Variants in ADAMTS14 observed in about 807,000 individuals in gnomAD.
ADAMTS14 encodes ADAM metallopeptidase with thrombospondin type 1 motif 14, also known as A disintegrin and metalloproteinase with thrombospondin motifs 14.
In ADAMTS14, 100 loss-of-function variants were observed where a neutral mutation model predicts 128.6. The ratio of observed to expected loss-of-function variants is 0.78; its 90% CI spans 0.66 to 0.92. ADAMTS14 has a LOEUF of 0.92. Ranked by LOEUF, ADAMTS14 falls within the 40% of genes least tolerant of loss-of-function variation. The pLI is 0.00. For missense variants in ADAMTS14, 1,562 were observed against 1,658.6 expected (o/e 0.94, Z 1.01); for synonymous variants, 665 against 653.8 (o/e 1.02, Z -0.26).
At chr10:70,713,674 A>C (rs1840930440) in intron 4 of ADAMTS14, among the ~76,000 whole-genome samples, 1 of 152,146 alleles carries the variant, frequency 6.6e-6, no homozygotes, top group Non-Finnish European at 1.5e-5. Flanking sequence ...ACATGAGGCT[A>C]TCCCTGTATT....
intron 8 of ADAMTS14, 135 bp downstream of exon 8, chr10:70,734,163 C>A: frequency 8.5e-7 from 1 of 1,180,190 alleles, no homozygotes; most frequent in Non-Finnish European, 1.2e-6. Context: ...GCCTCCCCGC[C>A]AAACCTGGCC....
rs1841340354 is a variant in ADAMTS14 at position 70,723,640 on chromosome 10, T to A, written c.871-5654T>A. ...GGGCTGTGCCAGCCATTAGTGGCAA[T>A]GAGTGTTCTGCTTCTGTTTGAGCGC... On this transcript the variant is annotated intron_variant, in intron 4 of 21. Transcript: ENST00000373207. Among the ~76,000 whole-genome samples, 4 of 152,242 alleles carry A rather than the reference T, an allele frequency of 2.6e-5. No individual in the cohort carries two copies. The South Asian group carries it at 8.3e-4, about 32-fold the overall frequency.
chr10:70,675,035 C>A, intron 2 of ADAMTS14, 40 bp downstream of exon 2: 1 of 1,593,190 alleles, frequency 6.3e-7, no homozygotes, highest in South Asian at 1.1e-5. Flanking sequence ...TCCTCCCCCT[C>A]CCATGCCCTG....
rs570492592 is a variant in ADAMTS14 at position 70,751,715 on chromosome 10, G to A, written c.2596+69G>A. 384 of 1,553,038 alleles carry A rather than the reference G, an allele frequency of 2.5e-4. 3 individuals carry two copies. The African/African-American group carries it at 4.5e-3, about 18-fold the overall frequency. On this transcript the variant is annotated intron_variant, in intron 17 of 21. Transcript: ENST00000373207. Reference sequence around the variant, plus strand: ...GGATCCCTTGAGAGGCAGGGGTGGGGGACTGATGTTGTCTCCATTTGATGT... The same window carrying A: ...GGATCCCTTGAGAGGCAGGGGTGGGAGACTGATGTTGTCTCCATTTGATGT...
chr10:70,683,662 A>G (rs1256819803), intron 2 of ADAMTS14, among the ~76,000 whole-genome samples: 1 of 152,136 alleles, frequency 6.6e-6, no homozygotes, highest in Non-Finnish European at 1.5e-5. Context: ...TGAAAACAAC[A>G]TTGTGTCCTT....
At chr10:70,676,071 G>A (rs981746105) in intron 2 of ADAMTS14, among the ~76,000 whole-genome samples, 5 of 151,908 alleles carry the variant, frequency 3.3e-5, no homozygotes, top group Admixed American at 3.3e-4. Flanking sequence ...CTTTTATCAT[G>A]ATGTACCCCT....
At chr10:70,721,447 G>T (rs1841261221) in intron 4 of ADAMTS14, among the ~76,000 whole-genome samples, 1 of 151,380 alleles carries the variant, frequency 6.6e-6, no homozygotes, top group South Asian at 2.1e-4. Context: ...GTGCAGTGGT[G>T]CGATCTCAGC....
chr10:70,688,194 C>G (rs1194946240), intron 2 of ADAMTS14, among the ~76,000 whole-genome samples: 1 of 38,450 alleles, frequency 2.6e-5, no homozygotes, highest in African/African-American at 1.1e-4. Flanking sequence ...CAGACGGGGT[C>G]TCGGCCGGGC....
At chr10:70,717,028 C>T (rs4746060) in intron 4 of ADAMTS14, among the ~76,000 whole-genome samples, 24,438 of 152,192 alleles carry the variant, frequency 0.16, 2,534 homozygotes, top group East Asian at 0.54. Context: ...CACATCTATA[C>T]TGGGTCATCT....
Position 70,674,545 on chromosome 10 carries a change from A to C in ADAMTS14, c.83-11A>C. 1 of 1,603,744 alleles carries C rather than the reference A, an allele frequency of 6.2e-7. No homozygotes were observed. The highest frequency in any genetic ancestry group is 8.5e-7 in the Non-Finnish European group (1 of 1,172,884). On this transcript the variant is annotated splice_polypyrimidine_tract_variant and intron_variant, in intron 1 of 21. Transcript: ENST00000373207. ...ACTGCATTGAAGTGACTCTTTGTTT[A>C]CCTCCAACAGAGCTGCACCTCTCTG...
chr10:70,730,333 C>T (rs1316919401), intron 6 of ADAMTS14, 84 bp downstream of exon 6: 1 of 1,513,256 alleles, frequency 6.6e-7, no homozygotes, highest in Non-Finnish European at 8.9e-7. Context: ...CAGATGGGCT[C>T]TCTTCTGGGG....
At chr10:70,757,695 G>T (rs558559203) in intron 19 of ADAMTS14, among the ~76,000 whole-genome samples, 1 of 152,176 alleles carries the variant, frequency 6.6e-6, no homozygotes, top group South Asian at 2.1e-4. Context: ...CGTTTAGATT[G>T]TGGAAAGGCC....
intron 12 of ADAMTS14, among the ~76,000 whole-genome samples, chr10:70,741,758 TC>T (rs1369087455): frequency 6.6e-6 from 1 of 151,962 alleles, no homozygotes; most frequent in Non-Finnish European, 1.5e-5. Flanking sequence ...CTGTAAAGAG[TC>T]TGAATTTGGG....
intron 4 of ADAMTS14, among the ~76,000 whole-genome samples, chr10:70,713,522 G>A (rs1429899728): frequency 6.6e-6 from 1 of 152,240 alleles, no homozygotes; most frequent in African/African-American, 2.4e-5. Context: ...CTACTCTGCT[G>A]GCCTGTGCTT....
intron 3 of ADAMTS14, among the ~76,000 whole-genome samples, chr10:70,706,206 A>C (rs977068855): frequency 5.3e-5 from 8 of 152,168 alleles, no homozygotes; most frequent in African/African-American, 1.9e-4. Flanking sequence ...AATTCCCCAG[A>C]AAGTCTGCAG....
In ADAMTS14 at chr10:70,761,237, A is replaced by G. The variant is rs540465110; in HGVS notation, c.*384A>G. 5 of 186,450 alleles carry G rather than the reference A, an allele frequency of 2.7e-5. No individual in the cohort carries two copies. The highest frequency in any genetic ancestry group is 9.3e-5 in the African/African-American group (4 of 42,856). 11.5% of individuals were successfully genotyped at this position (186,450 alleles called of 1,614,324 possible). On this transcript the variant is annotated 3_prime_UTR_variant, in exon 22 of 22. Transcript: ENST00000373207. ...GGCTGCCTGCCTTCCCGGAACTGTG[A>G]GGACCCCTGTGGAGGCCCTGCATAT...
At chr10:70,727,094 C>T (rs1336588028) in intron 4 of ADAMTS14, among the ~76,000 whole-genome samples, 1 of 152,220 alleles carries the variant, frequency 6.6e-6, no homozygotes, top group Non-Finnish European at 1.5e-5. Context: ...GAAGTCTGCC[C>T]ATTCATGAAC....
chr10:70,735,866 C>T (rs1043378730), intron 9 of ADAMTS14, among the ~76,000 whole-genome samples: 1 of 152,214 alleles, frequency 6.6e-6, no homozygotes, highest in Non-Finnish European at 1.5e-5. Flanking sequence ...CCACCCAGGG[C>T]CCAGGCTGAG....
chr10:70,732,472 G>T (rs1841676868), intron 7 of ADAMTS14, 113 bp downstream of exon 7: 3 of 944,906 alleles, frequency 3.2e-6, no homozygotes, highest in Admixed American at 4.7e-5. Context: ...GTCCTGGGAG[G>T]TGTCAGAGGA....
Sources: gnomAD v4.1 joint callset for allele counts (sites outside exome capture counted in the v4.1 genomes callset) on GRCh38, gnomAD v4.1.1 for gene constraint, MANE v1.5 for transcripts, NCBI Gene and HGNC (gene_info 2026-07-23, HGNC 2026-07-21) for gene names.